BTAF1: variants seen among roughly 807,000 people sequenced by gnomAD.
BTAF1 encodes the protein B-TFIID TATA-box binding protein associated factor 1, also known as TATA-binding protein-associated factor 172.
In BTAF1, 38 loss-of-function variants were observed where a neutral mutation model predicts 227.1. The ratio of observed to expected loss-of-function variants is 0.17; its 90% CI spans 0.13 to 0.22. The LOEUF (loss-of-function observed/expected upper bound fraction) is 0.22. BTAF1 is among the 10% of genes least tolerant of loss of function. BTAF1 has a pLI of 1.00. For synonymous variants in BTAF1, 742 were observed against 751.9 expected (o/e 0.99, Z 0.21); for missense variants, 1,598 against 2,204.0 (o/e 0.73, Z 5.51).
intron 1 of BTAF1, among the ~76,000 whole-genome samples, chr10:91,932,325 T>C (rs1844325608): frequency 6.6e-6 from 1 of 152,210 alleles, no homozygotes; most frequent in African/African-American, 2.4e-5. Flanking sequence ...ATCTTTTCAG[T>C]TACTGAAACA....
intron 34 of BTAF1, among the ~76,000 whole-genome samples, chr10:92,021,580 C>T (rs1851126275): frequency 6.6e-6 from 1 of 150,736 alleles, no homozygotes; most frequent in Non-Finnish European, 1.5e-5. Flanking sequence ...CTTGCTCTGT[C>T]GCCCAGGCTG....
intron 12 of BTAF1, among the ~76,000 whole-genome samples, chr10:91,963,287 C>T (rs1203381769): frequency 5.3e-5 from 8 of 151,712 alleles, no homozygotes; most frequent in Admixed American, 1.3e-4. Context: ...GGCATGGTGG[C>T]GGGCGCCTGT....
At chr10:91,947,730 G>C (rs1279179356) in intron 4 of BTAF1, among the ~76,000 whole-genome samples, 1 of 45,754 alleles carries the variant, frequency 2.2e-5, no homozygotes, top group East Asian at 6.6e-4. Flanking sequence ...GTCTGTCAAT[G>C]TTTGCAAAAA....
chr10:92,023,830 C>T (rs1214192309), intron 34 of BTAF1, among the ~76,000 whole-genome samples: 1 of 152,148 alleles, frequency 6.6e-6, no homozygotes, highest in African/African-American at 2.4e-5. Context: ...GACAGGATTT[C>T]GCCATGTTGG....
At chr10:91,965,571 G>A (rs1426860079) in intron 13 of BTAF1, among the ~76,000 whole-genome samples, 1 of 152,194 alleles carries the variant, frequency 6.6e-6, no homozygotes, top group Admixed American at 6.5e-5. Context: ...TTAATTCAAT[G>A]TGAAATAATG....
chr10:91,939,270 A>G (rs141650680), intron 2 of BTAF1, among the ~76,000 whole-genome samples: 16 of 152,248 alleles, frequency 1.1e-4, no homozygotes, highest in South Asian at 1.0e-3. Flanking sequence ...TGGAAATACA[A>G]TTGATTTTGT....
At position 91,938,989 on chromosome 10, in the gene BTAF1, A is replaced by AG. The variant is rs56966522; in HGVS notation, c.139-953dup. ...TTCCATTTCTGCAAAAAAAAAAAAA[A>AG]GGGGGGGGGGATTTTGATAGGAATT... On this transcript the variant is annotated intron_variant, in intron 2 of 37. Coordinates refer to ENST00000265990, the MANE Select transcript of BTAF1 (RefSeq NM_003972.3). 1.1e-3 allele frequency among the ~76,000 whole-genome samples: 58 copies of AG among 54,984 alleles called. 1 individual carries two copies. Among genetic ancestry groups the AG allele is most frequent in the African/African-American group, 2.6e-3 (54 of 20,502 alleles). 36.1% of individuals were successfully genotyped at this position (54,984 alleles called of 152,430 possible). A position where few individuals can be genotyped will look rare whatever the true frequency, so the allele number is the denominator to read the frequency against.
rs761098076 is a variant in BTAF1, at chr10:91,982,749, T to C, written c.2211T>C (p.Ala737=). ...ISVALVICEW[A]ALQKECKAVT... Reference sequence around the variant, plus strand: ...TAGCTTTGGTAATCTGTGAATGGGCTGCTTTACAAAAGGTAAGATTTTGCC... The same window carrying C: ...TAGCTTTGGTAATCTGTGAATGGGCCGCTTTACAAAAGGTAAGATTTTGCC... Residue 737 remains alanine (A), a synonymous_variant, in exon 18 of 38, where the codon GCT becomes GCC. Coordinates refer to ENST00000265990, the MANE Select transcript of BTAF1 (RefSeq NM_003972.3). 2 of 1,606,360 alleles carry C rather than the reference T, an allele frequency of 1.2e-6. No homozygotes were observed. Among genetic ancestry groups the C allele is most frequent in the African/African-American group, 2.7e-5 (2 of 74,688 alleles).
Position 92,026,677 on chromosome 10 carries a change from G to C in BTAF1, c.5161G>C (p.Val1721Leu), listed in dbSNP as rs965874260. The C allele has an allele frequency of 1.2e-6, 2 of 1,614,012 alleles. No individual in the cohort carries two copies. Among genetic ancestry groups the C allele is most frequent in the Non-Finnish European group, 1.7e-6 (2 of 1,179,986 alleles). The stretch of plus-strand genomic sequence containing the variant: ...ACTTAATTTGACAGGCGCTGACACA[G>C]TAGTATTTGTGGAGCATGACTGGAA... ...LGLNLTGADT[V>L]VFVEHDWNPM... The change falls in exon 36 of 38, where the codon GTA becomes CTA. Residue 1721 changes from valine to leucine, a missense_variant. This residue lies in a region of BTAF1 where 205 missense variants were observed against 244.5 expected (regional missense o/e 0.84). Transcript: ENST00000265990.
chr10:91,973,799 G>C (rs972277339), intron 14 of BTAF1, among the ~76,000 whole-genome samples: 1 of 149,986 alleles, frequency 6.7e-6, no homozygotes, highest in Non-Finnish European at 1.5e-5. Flanking sequence ...AGCTACTTGG[G>C]AGGCTGAGGC....
chr10:91,942,642 A>G, intron 4 of BTAF1, 74 bp downstream of exon 4: 1 of 1,498,586 alleles, frequency 6.7e-7, no homozygotes, highest in Non-Finnish European at 9.2e-7. Context: ...TATGCTGTTC[A>G]TTAGTCACAC....
chr10:91,968,310 CT>C (rs1847068926), intron 14 of BTAF1, among the ~76,000 whole-genome samples: 1 of 152,148 alleles, frequency 6.6e-6, no homozygotes, highest in African/African-American at 2.4e-5. Flanking sequence ...AGTATGCTGC[CT>C]TTTCAAATTG....
chr10:91,996,996 A>G (rs1849184711), intron 24 of BTAF1: 1 of 680,548 alleles, frequency 1.5e-6, no homozygotes, highest in East Asian at 6.5e-5. Context: ...ACCATATTAT[A>G]CTAGATAATT....
rs1018730428 is a variant in BTAF1 at position 91,971,327 on chromosome 10, T to C, written c.1650+4570T>C. Among the ~76,000 whole-genome samples, 4 of 152,316 alleles carry C rather than the reference T, an allele frequency of 2.6e-5. No individual in the cohort carries two copies. The East Asian group carries it at 7.7e-4, about 29-fold the overall frequency. On this transcript the variant is annotated intron_variant, in intron 14 of 37. Coordinates refer to ENST00000265990, the MANE Select transcript of BTAF1 (RefSeq NM_003972.3). The stretch of plus-strand genomic sequence containing the variant: ...TGTCACTGCCCTGATCCTTGCTGTT[T>C]ATTATCTTCACCACCAAAGACTATG...
intron 6 of BTAF1, 23 bp from the exon 7 acceptor site, chr10:91,956,505 A>C: frequency 2.5e-6 from 4 of 1,585,364 alleles, no homozygotes; most frequent in Non-Finnish European, 3.4e-6. Flanking sequence ...TTCATTTTCT[A>C]AATGGTGACT....
rs72823191 is a variant in BTAF1 at position 91,957,432 on chromosome 10, C to T, written c.900+139C>T. Reference sequence around the variant, plus strand: ...GACTCAGGGCACGTCATATCATTGACCTAAATAGAAAACTATAAATTGATT... The same window carrying T: ...GACTCAGGGCACGTCATATCATTGATCTAAATAGAAAACTATAAATTGATT... On this transcript the variant is annotated intron_variant, in intron 8 of 37. Coordinates refer to ENST00000265990, the MANE Select transcript of BTAF1 (RefSeq NM_003972.3). 70,935 of 501,792 alleles carry T rather than the reference C, an allele frequency of 0.14. 5,779 individuals are homozygous for T. The highest frequency in any genetic ancestry group is 0.21 in the Middle Eastern group (697 of 3,388). 31.1% of individuals were successfully genotyped at this position (501,792 alleles called of 1,614,324 possible). A position where few individuals can be genotyped will look rare whatever the true frequency, so the allele number is the denominator to read the frequency against.
chr10:91,971,406 C>T (rs1847292746), intron 14 of BTAF1, among the ~76,000 whole-genome samples: 1 of 151,692 alleles, frequency 6.6e-6, no homozygotes, highest in Non-Finnish European at 1.5e-5. Flanking sequence ...TCCCCACATA[C>T]ATGCTTTACT....
intron 34 of BTAF1, among the ~76,000 whole-genome samples, chr10:92,021,444 G>A (rs908245727): frequency 6.6e-6 from 1 of 152,138 alleles, no homozygotes. Context: ...AAACTAATAG[G>A]ATCTTGGCTG....
Position 91,955,429 on chromosome 10 carries a change from G to T in BTAF1, c.702-1099G>T, listed in dbSNP as rs562767253. On this transcript the variant is annotated intron_variant, in intron 6 of 37. Transcript: ENST00000265990. ...ATGGGAAATAAATAAGTAAAATACA[G>T]TGTGTGTGTATATATGTGTGTATAT... 8.5e-5 allele frequency among the ~76,000 whole-genome samples: 13 copies of T among 152,138 alleles called. No homozygotes were observed. The South Asian group carries it at 2.7e-3, about 31-fold the overall frequency.
Sources: gnomAD v4.1 joint callset for allele counts (sites outside exome capture counted in the v4.1 genomes callset) on GRCh38, gnomAD v4.1.1 for gene constraint, gnomAD v4.1.1 regional missense constraint, MANE v1.5 for transcripts, NCBI Gene and HGNC (gene_info 2026-07-23, HGNC 2026-07-21) for gene names.